Variants in AGR2 observed in about 807,000 individuals in gnomAD.
AGR2 encodes anterior gradient protein 2 homolog.
AGR2 carries 27 observed loss-of-function variants against 25.9 expected under a neutral mutation model. The ratio of observed to expected loss-of-function variants is 1.04; its 90% CI spans 0.77 to 1.44. The LOEUF (loss-of-function observed/expected upper bound fraction) is 1.44. AGR2 is among the 40% of genes most tolerant of loss of function. AGR2 has a pLI of 0.00. For missense variants in AGR2, 182 were observed against 200.9 expected (o/e 0.91, Z 0.57); for synonymous variants, 78 against 72.0 (o/e 1.08, Z -0.42).
chr7:16,804,267 T>TAC (rs113991647), intron 1 of AGR2, among the ~76,000 whole-genome samples: 40,632 of 107,312 alleles, frequency 0.38, 5,565 homozygotes, highest in Non-Finnish European at 0.47. Flanking sequence ...CAGACATAGG[T>TAC]ACACACACAC....
chr7:16,800,064 G>A (rs1467692347), intron 4 of AGR2, among the ~76,000 whole-genome samples: 1 of 152,004 alleles, frequency 6.6e-6, no homozygotes, highest in Non-Finnish European at 1.5e-5. Flanking sequence ...TTATTGAATG[G>A]CTGCCATGTG....
At chr7:16,801,578 A>G (rs943480626) in intron 2 of AGR2, 80 bp downstream of exon 2, 1 of 1,564,454 alleles carries the variant, frequency 6.4e-7, no homozygotes, top group Non-Finnish European at 8.8e-7. Context: ...ACCAGGTTAG[A>G]ACCAGGTTTA....
chr7:16,793,961 C>G (rs1229318874), intron 7 of AGR2, among the ~76,000 whole-genome samples: 1 of 152,172 alleles, frequency 6.6e-6, no homozygotes, highest in Non-Finnish European at 1.5e-5. Flanking sequence ...AGGACACGTG[C>G]CTTTTAAGAG....
chr7:16,793,860 C>T (rs1319614491), intron 7 of AGR2, among the ~76,000 whole-genome samples: 2 of 152,194 alleles, frequency 1.3e-5, no homozygotes, highest in Admixed American at 6.5e-5. Context: ...GATGTCCACT[C>T]GATAGGCATT....
At position 16,797,669 on chromosome 7, in the gene AGR2, G is replaced by A. The variant is rs1286321858; in HGVS notation, c.356C>T (p.Ser119Phe). The change falls in exon 6 of 8, where the codon TCT (serine) becomes TTT (phenylalanine). Residue 119 changes from serine (S) to phenylalanine (F), a missense_variant. Ser to Phe is a radical substitution (Grantham distance 155). Coordinates refer to ENST00000419304, the MANE Select transcript of AGR2 (RefSeq NM_006408.4). ...CCTGGGGACATACTGGCCATCAGGA[G>A]AAAGGTGTTTGTCAGTTGTTTCATA... ...LVYETTDKHLSPDGQYVPRIM... is the reference protein window; with the variant it reads ...LVYETTDKHLFPDGQYVPRIM... 3.1e-6 allele frequency: 5 copies of A among 1,613,808 alleles called. No individual in the cohort carries two copies. Among genetic ancestry groups the A allele is most frequent in the African/African-American group, 1.3e-5 (1 of 74,904 alleles).
chr7:16,795,578 G>A (rs78263978), intron 6 of AGR2, among the ~76,000 whole-genome samples: 2,529 of 152,178 alleles, frequency 0.017, 34 homozygotes, highest in Middle Eastern at 0.031. Flanking sequence ...GTAGAGATTG[G>A]TCTTCTCTTA....
rs1008496545 is a variant in AGR2 at position 16,792,657 on chromosome 7, C to A, written c.*251G>T. On this transcript the variant is annotated 3_prime_UTR_variant, in exon 8 of 8. Transcript: ENST00000419304. ...AGACCAAGTTGGAGAAAACAGAACA[C>A]CCCCAAAACATTTATTTTTTTTTTT... 6.6e-6 allele frequency: 3 copies of A among 455,946 alleles called. No homozygotes were observed. The Admixed American group carries it at 1.1e-4, about 17-fold the overall frequency. 28.2% of individuals were successfully genotyped at this position (455,946 alleles called of 1,614,324 possible).
chr7:16,801,344 T>G lies in AGR2; in HGVS notation c.179A>C (p.Glu60Ala), dbSNP rs369092792. 1.9e-4 allele frequency: 300 copies of G among 1,613,796 alleles called. 1 individual carries two copies. In the South Asian group the frequency reaches 2.3e-3, roughly 12 times the overall value. Residue 60 changes from glutamate to alanine, a missense_variant, in exon 3 of 8, where the codon GAA becomes GCA. By Grantham distance (107) the Glu-to-Ala change is moderately radical (BLOSUM62 -1). Coordinates refer to ENST00000419304, the MANE Select transcript of AGR2 (RefSeq NM_006408.4). ...DQLIWTQTYE[E>A]ALYKSKTSNK... ...CCTTGTCTTGGATTTATATAGAGCT[T>G]CTTCATATGTCTGAGTCCAGATGAG...
intron 7 of AGR2, 27 bp from the exon 8 acceptor site, chr7:16,792,984 C>A (rs371917010): frequency 1.2e-6 from 2 of 1,605,942 alleles, no homozygotes; most frequent in Non-Finnish European, 1.7e-6. Context: ...GCAGGAGAGT[C>A]AAGACACCAT....
intron 7 of AGR2, chr7:16,794,530 T>C: frequency 3.0e-6 from 1 of 331,716 alleles, no homozygotes; most frequent in Non-Finnish European, 5.4e-6. Flanking sequence ...AAACTGAACC[T>C]GAATTTAATT....
chr7:16,802,789 T>C (rs190272554), intron 1 of AGR2, among the ~76,000 whole-genome samples: 2 of 152,252 alleles, frequency 1.3e-5, no homozygotes, highest in Non-Finnish European at 2.9e-5. Context: ...AATAGAGATA[T>C]ATTTTGAGAA....
chr7:16,795,144 C>CAA (rs1183003900), intron 6 of AGR2, 125 bp from the exon 7 acceptor site: 1 of 1,030,968 alleles, frequency 9.7e-7, no homozygotes, highest in Non-Finnish European at 1.5e-6. Context: ...TGTCTGCACT[C>CAA]ACAGGAGCTC....
chr7:16,792,872 G>A lies in AGR2; in HGVS notation c.*36C>T. 6.3e-7 allele frequency: 1 copy of A among 1,584,642 alleles called. No homozygotes were observed. Among genetic ancestry groups the A allele is most frequent in the Non-Finnish European group, 8.7e-7 (1 of 1,153,294 alleles). On this transcript the variant is annotated 3_prime_UTR_variant, in exon 8 of 8. Coordinates refer to ENST00000419304, the MANE Select transcript of AGR2 (RefSeq NM_006408.4). ...ACTTCTTCTGGTTTCAAGTCTCAAG[G>A]CCTGACAGACAGAAGGGCTTGGAGA... is the stretch of plus-strand genomic sequence containing the variant.
chr7:16,795,834 C>T (rs924924553), intron 6 of AGR2, among the ~76,000 whole-genome samples: 2 of 152,292 alleles, frequency 1.3e-5, no homozygotes, highest in East Asian at 3.9e-4. Flanking sequence ...CAAAGTCTGT[C>T]GCTGGTACTG....
chr7:16,797,516 G>C (rs913332150), intron 6 of AGR2, 115 bp downstream of exon 6: 1 of 768,022 alleles, frequency 1.3e-6, no homozygotes, highest in Admixed American at 2.5e-5. Context: ...CTCCTTGCTA[G>C]AGCTTAGTGA....
At chr7:16,802,842 CT>C (rs1785171968) in intron 1 of AGR2, among the ~76,000 whole-genome samples, 1 of 151,976 alleles carries the variant, frequency 6.6e-6, no homozygotes, top group Middle Eastern at 3.4e-3. Flanking sequence ...TTTACATTTA[CT>C]TTTTTTGGAG....
chr7:16,801,744 G>C lies in AGR2; in HGVS notation c.53C>G (p.Thr18Ser), dbSNP rs764950022. 25 of 1,613,674 alleles carry C rather than the reference G, an allele frequency of 1.5e-5. No homozygotes were observed. Among genetic ancestry groups the C allele is most frequent in the Non-Finnish European group, 2.1e-5 (25 of 1,179,924 alleles). Residue 18 changes from threonine (T) to serine (S), a missense_variant, in exon 2 of 8, where the codon ACT (threonine) becomes AGT (serine). Coordinates refer to ENST00000419304, the MANE Select transcript of AGR2 (RefSeq NM_006408.4). ...AFLLLVALSY[T>S]LARDTTVKPG... ...TTTGACTGTGGTATCTCTGGCCAGA[G>C]TGTAGGAGAGGGCCACAAGGAGCAA...
intron 4 of AGR2, among the ~76,000 whole-genome samples, chr7:16,800,718 A>G (rs1785127280): frequency 1.3e-5 from 2 of 152,200 alleles, no homozygotes; most frequent in Admixed American, 1.3e-4. Flanking sequence ...CCAGTGCAAA[A>G]TGAAAGGGTA....
chr7:16,799,553 A>G (rs973185419), intron 5 of AGR2, 191 bp downstream of exon 5: 15 of 521,628 alleles, frequency 2.9e-5, no homozygotes, highest in African/African-American at 2.5e-4. Flanking sequence ...ATTAATTACT[A>G]AATAAAAACA....
Sources: gnomAD v4.1 joint callset for allele counts (sites outside exome capture counted in the v4.1 genomes callset) on GRCh38, gnomAD v4.1.1 for gene constraint, MANE v1.5 for transcripts, NCBI Gene and HGNC (gene_info 2026-07-23, HGNC 2026-07-21) for gene names.